MS4A10: variants seen among roughly 807,000 people sequenced by gnomAD.
MS4A10 encodes the protein membrane-spanning 4-domains subfamily A member 10.
MS4A10 carries 27 observed loss-of-function variants against 27.7 expected under a neutral mutation model. That is an observed-to-expected ratio of 0.98 (90% CI 0.72 to 1.35). MS4A10 has a LOEUF of 1.35. Ranked by LOEUF, MS4A10 falls within the 40% of genes most tolerant of loss-of-function variation. MS4A10 has a pLI of 0.00. For synonymous variants in MS4A10, 139 were observed against 131.2 expected (o/e 1.06, Z -0.41); for missense variants, 338 against 324.7 (o/e 1.04, Z -0.32).
intron 1 of MS4A10, among the ~76,000 whole-genome samples, chr11:60,787,603 A>G (rs915861785): frequency 3.3e-5 from 5 of 152,210 alleles, no homozygotes; most frequent in African/African-American, 4.8e-5. Context: ...AACCAAAAGC[A>G]GAGAAAAGGC....
intron 1 of MS4A10, among the ~76,000 whole-genome samples, chr11:60,785,922 G>T (rs1590994102): frequency 6.6e-6 from 1 of 152,200 alleles, no homozygotes; most frequent in Non-Finnish European, 1.5e-5. Context: ...TCTGTTTCCT[G>T]CAGGCCTTCC....
intron 7 of MS4A10, among the ~76,000 whole-genome samples, chr11:60,799,387 G>T (rs1163747034): frequency 2.0e-5 from 3 of 152,144 alleles, no homozygotes; most frequent in Admixed American, 2.0e-4. Context: ...ATGTATTCTG[G>T]TTTTTTTTCC....
intron 1 of MS4A10, among the ~76,000 whole-genome samples, chr11:60,788,506 T>C (rs1002905533): frequency 7.9e-5 from 12 of 152,222 alleles, no homozygotes; most frequent in African/African-American, 2.7e-4. Context: ...GTGAAGCCAG[T>C]GGCTAACCTG....
At chr11:60,793,865 G>A (rs1476810635) in intron 4 of MS4A10, 107 bp from the exon 5 acceptor site, 1 of 1,287,700 alleles carries the variant, frequency 7.8e-7, no homozygotes, top group Non-Finnish European at 1.1e-6. Context: ...GTGACAGGCA[G>A]AGTCTCTCCT....
At chr11:60,799,771 C>A in intron 7 of MS4A10, 57 bp from the exon 8 acceptor site, 1 of 806,600 alleles carries the variant, frequency 1.2e-6, no homozygotes, top group Non-Finnish European at 2.2e-6. Context: ...GTCATTTAAT[C>A]CTCCCATCGA....
intron 2 of MS4A10, 140 bp from the exon 3 acceptor site, chr11:60,790,834 C>T (rs1161871767): frequency 1.6e-6 from 2 of 1,278,164 alleles, no homozygotes; most frequent in Non-Finnish European, 2.2e-6. Flanking sequence ...GGGAGTGGTC[C>T]TTCTTAGAGA....
At chr11:60,786,564 T>C (rs142271565) in intron 1 of MS4A10, among the ~76,000 whole-genome samples, 2 of 151,566 alleles carry the variant, frequency 1.3e-5, no homozygotes, top group African/African-American at 4.9e-5. Flanking sequence ...GGGTGTATCA[T>C]GTCTTAACCA....
intron 5 of MS4A10, among the ~76,000 whole-genome samples, chr11:60,794,567 C>CT (rs879317989): frequency 3.9e-5 from 6 of 152,184 alleles, no homozygotes; most frequent in Non-Finnish European, 7.4e-5. Context: ...ATTAGTGGGT[C>CT]TTTGACTCCA....
At chr11:60,788,586 G>A (rs1349633422) in intron 1 of MS4A10, among the ~76,000 whole-genome samples, 2 of 152,194 alleles carry the variant, frequency 1.3e-5, no homozygotes, top group Non-Finnish European at 2.9e-5. Context: ...CTGAAGGCTT[G>A]GGAACCTTCC....
intron 6 of MS4A10, among the ~76,000 whole-genome samples, chr11:60,796,284 A>G (rs1565083225): frequency 1.3e-5 from 2 of 152,054 alleles, no homozygotes; most frequent in African/African-American, 4.8e-5. Flanking sequence ...TATCTTCTCA[A>G]TAACCCTTTT....
intron 3 of MS4A10, among the ~76,000 whole-genome samples, chr11:60,791,616 C>T (rs1854431942): frequency 6.6e-6 from 1 of 152,262 alleles, no homozygotes; most frequent in African/African-American, 2.4e-5. Flanking sequence ...CCATTCCTGA[C>T]TCCCAGGTGG....
At chr11:60,793,412 A>C (rs972029650) in intron 4 of MS4A10, among the ~76,000 whole-genome samples, 1 of 152,208 alleles carries the variant, frequency 6.6e-6, no homozygotes, top group Non-Finnish European at 1.5e-5. Context: ...TTTCCTCACT[A>C]GGAGGATTTG....
intron 1 of MS4A10, among the ~76,000 whole-genome samples, chr11:60,787,192 G>C (rs1028217683): frequency 6.6e-6 from 1 of 152,008 alleles, no homozygotes; most frequent in African/African-American, 2.4e-5. Flanking sequence ...GGCTGGGTCC[G>C]TGGTCCTGAG....
rs200806408 is a variant in MS4A10 at position 60,798,495 on chromosome 11, C to T, written c.703C>T (p.Gln235Ter). The T allele has an allele frequency of 6.8e-6, 11 of 1,613,860 alleles. No homozygotes were observed. In the South Asian group the frequency reaches 7.7e-5, roughly 11 times the overall value. ...CCAGAGTGTGATTCAAGGCGACGCA[C>T]AACACAAGCAACATCAGAGGTGAAG... ...SYQSVIQGDA[Q>*]HKQHQRLREV... is the part of the protein sequence containing the mutation. Residue 235 changes from glutamine to a stop codon, truncating the protein, a stop_gained, in exon 7 of 8, where the codon CAA becomes TAA. Transcript: ENST00000308287. LOFTEE classifies it low-confidence loss of function (END_TRUNC).
rs753587377 is a variant in MS4A10 at position 60,794,029 on chromosome 11, T to C, written c.418T>C (p.Phe140Leu). The C allele has an allele frequency of 6.2e-7, 1 of 1,614,184 alleles. No homozygotes were observed. Among genetic ancestry groups the C allele is most frequent in the African/African-American group, 1.3e-5 (1 of 75,056 alleles). ...CCTCTTTTGCGTGCTGTCTGGCCTC[T>C]TCGTCATCTCCAAGGATCTCTTTCT... ...ISLFCVLSGL[F>L]VISKDLFLES... Residue 140 changes from phenylalanine to leucine, a missense_variant, in exon 5 of 8, where the codon TTC becomes CTC. Physicochemically the swap from Phe to Leu is conservative, Grantham distance 22. Transcript: ENST00000308287.
At position 60,798,456 on chromosome 11, in the gene MS4A10, C is replaced by G; in HGVS notation, c.664C>G (p.Pro222Ala). ...PLHLKGLPVE[P>A]PPSYQSVIQG... is the part of the protein sequence containing the mutation. ...GCATCTCAAAGGCCTGCCGGTGGAG[C>G]CCCCGCCATCCTACCAGAGTGTGAT... is the stretch of plus-strand genomic sequence containing the variant. The change falls in exon 7 of 8, where the codon CCC becomes GCC. Residue 222 changes from proline (P) to alanine (A), a missense_variant. By Grantham distance (27) the Pro-to-Ala change is conservative (BLOSUM62 -1). Coordinates refer to ENST00000308287, the MANE Select transcript of MS4A10 (RefSeq NM_206893.4). 6.2e-7 allele frequency: 1 copy of G among 1,613,766 alleles called. No homozygotes were observed. Among genetic ancestry groups the G allele is most frequent in the Non-Finnish European group, 8.5e-7 (1 of 1,179,724 alleles).
At chr11:60,794,738 C>A (rs1006608388) in intron 5 of MS4A10, among the ~76,000 whole-genome samples, 1 of 152,100 alleles carries the variant, frequency 6.6e-6, no homozygotes, top group East Asian at 1.9e-4. Context: ...TGCAGTGGCA[C>A]AATCGAGGCT....
intron 6 of MS4A10, among the ~76,000 whole-genome samples, chr11:60,796,196 T>TGATGGATGGATG (rs59783869): frequency 0.3 from 45,685 of 151,528 alleles, 7,702 homozygotes; most frequent in Middle Eastern, 0.39. Context: ...ATGCATCCAT[T>TGATGGATGGATG]GATGGATGGA....
At chr11:60,797,479 C>T (rs964379925) in intron 6 of MS4A10, among the ~76,000 whole-genome samples, 3 of 152,186 alleles carry the variant, frequency 2.0e-5, no homozygotes, top group Non-Finnish European at 4.4e-5. Context: ...TCTTTCCTTG[C>T]CTTTTCCAGC....
Sources: gnomAD v4.1 joint callset for allele counts (sites outside exome capture counted in the v4.1 genomes callset) on GRCh38, gnomAD v4.1.1 for gene constraint, MANE v1.5 for transcripts, NCBI Gene and HGNC (gene_info 2026-07-23, HGNC 2026-07-21) for gene names.